VPS13A: variants seen among roughly 807,000 people sequenced by gnomAD.
The protein encoded by VPS13A is vacuolar protein sorting 13 homolog A.
Under a neutral mutation model 390.9 loss-of-function variants are expected in VPS13A, and 264 were observed. That is an observed-to-expected ratio of 0.68 (90% CI 0.61 to 0.75). The LOEUF (loss-of-function observed/expected upper bound fraction) is 0.75, where lower values mean the gene tolerates loss of function less well. Ranked by LOEUF, VPS13A falls within the 30% of genes least tolerant of loss-of-function variation. The pLI, the probability that VPS13A is intolerant of heterozygous loss-of-function variation, is 0.00. For missense variants in VPS13A, 3,409 were observed against 3,733.9 expected (o/e 0.91, Z 2.27); for synonymous variants, 1,231 against 1,227.1 (o/e 1.00, Z -0.07).
chr9:77,290,708 G>A (rs527626019), intron 31 of VPS13A, among the ~76,000 whole-genome samples: 8 of 152,218 alleles, frequency 5.3e-5, no homozygotes, highest in African/African-American at 1.9e-4. Context: ...CCTTGGCTCT[G>A]ATGAGTGTAC....
chr9:77,351,253 GT>G (rs910079488), intron 52 of VPS13A, 63 bp from the exon 53 acceptor site: 56 of 1,571,216 alleles, frequency 3.6e-5, no homozygotes, highest in Admixed American at 1.4e-4. Flanking sequence ...TATTATTTTA[GT>G]TTTTTTTTAA....
chr9:77,395,655 C>G (rs1369386133), intron 68 of VPS13A: 1 of 152,020 alleles, frequency 6.6e-6, no homozygotes, highest in Non-Finnish European at 1.5e-5. Context: ...TTAGATATGC[C>G]TGTAATTATT....
rs7024142 is a variant in VPS13A, at chr9:77,300,244, A to T, written c.3813-2671A>T. On this transcript the variant is annotated intron_variant, in intron 33 of 71. Transcript: ENST00000360280. ...GCCTTTTGTTAGAAATTTGATTCTA[A>T]TATATATACAGTTTTGCTATTATAA... 1.8e-3 allele frequency among the ~76,000 whole-genome samples: 269 copies of T among 151,938 alleles called. 2 individuals are homozygous for T. The highest frequency in any genetic ancestry group is 5.9e-3 in the African/African-American group (244 of 41,560).
At position 77,340,386 on chromosome 9, in the gene VPS13A, T is replaced by C. The variant is rs781721043; in HGVS notation, c.6880-18T>C. 2.8e-5 allele frequency: 45 copies of C among 1,605,262 alleles called. No individual in the cohort carries two copies. Among genetic ancestry groups the C allele is most frequent in the Middle Eastern group, 1.7e-4 (1 of 5,960 alleles). On this transcript the variant is annotated intron_variant, in intron 49 of 71. Transcript: ENST00000360280. Reference sequence around the variant, plus strand: ...GTTATACATAACAGTTTTTGAGCTGTTAATTTTTTTTTCTTAGGTTGGTGT... The same window carrying C: ...GTTATACATAACAGTTTTTGAGCTGCTAATTTTTTTTTCTTAGGTTGGTGT...
chr9:77,244,804 GA>G (rs1392371180), intron 19 of VPS13A, among the ~76,000 whole-genome samples: 1 of 151,998 alleles, frequency 6.6e-6, no homozygotes, highest in Non-Finnish European at 1.5e-5. Flanking sequence ...TGCTGTGAAA[GA>G]AATGAGAATG....
At chr9:77,340,671 A>G (rs1157923031) in intron 50 of VPS13A, 121 bp downstream of exon 50, 2 of 1,224,400 alleles carry the variant, frequency 1.6e-6, no homozygotes, top group South Asian at 1.3e-5. Context: ...TTTTAGTTTC[A>G]TGAATCTTTA....
At position 77,332,112 on chromosome 9, in the gene VPS13A, C is replaced by A. The variant is rs764376151; in HGVS notation, c.6094C>A (p.Arg2032=). The change falls in exon 46 of 72, where the codon CGA becomes AGA. Residue 2032 remains arginine, a splice_region_variant and synonymous_variant. Coordinates refer to ENST00000360280, the MANE Select transcript of VPS13A (RefSeq NM_033305.3). The stretch of plus-strand genomic sequence containing the variant: ...ATTCAACATACCATTAGGATCTTAC[C>A]GGTATTTTGTCTTTATCATTTTATT... ...NEFNIPLGSY[R]SFIFLKPEDE... 1.9e-6 allele frequency: 3 copies of A among 1,604,232 alleles called. No individual in the cohort carries two copies. The South Asian group carries it at 3.3e-5, about 18-fold the overall frequency.
chr9:77,302,685 T>C (rs538458157), intron 33 of VPS13A, among the ~76,000 whole-genome samples: 1 of 152,064 alleles, frequency 6.6e-6, no homozygotes, highest in Non-Finnish European at 1.5e-5. Context: ...TATTTCTGTA[T>C]AATATAGAAC....
At chr9:77,238,410 T>C in intron 19 of VPS13A, 24 bp downstream of exon 19, 1 of 1,496,458 alleles carries the variant, frequency 6.7e-7, no homozygotes, top group Non-Finnish European at 9.3e-7. Context: ...TTAATGTTGG[T>C]GAATTAAATA....
At chr9:77,353,346 A>C (rs1831573348) in intron 53 of VPS13A, 63 bp from the exon 54 acceptor site, 2 of 1,287,952 alleles carry the variant, frequency 1.6e-6, no homozygotes, top group African/African-American at 3.0e-5. Flanking sequence ...TCTAAATTTC[A>C]TGTTCTTTGG....
intron 67 of VPS13A, among the ~76,000 whole-genome samples, chr9:77,371,822 A>G (rs1171123627): frequency 1.9e-5 from 1 of 51,340 alleles, no homozygotes; most frequent in Non-Finnish European, 3.6e-5. Context: ...CCCTCCCCCC[A>G]CCCCACCTGT....
At chr9:77,409,461 C>CA (rs1834799322) in intron 71 of VPS13A, among the ~76,000 whole-genome samples, 1 of 152,134 alleles carries the variant, frequency 6.6e-6, no homozygotes, top group African/African-American at 2.4e-5. Context: ...ATGACTTTGA[C>CA]AAGTTGAGAG....
chr9:77,270,496 G>C (rs891733095), intron 23 of VPS13A, among the ~76,000 whole-genome samples: 5 of 152,120 alleles, frequency 3.3e-5, no homozygotes. Context: ...TTCAAGACCA[G>C]CCTGGCCAAC....
intron 32 of VPS13A, 27 bp downstream of exon 32, chr9:77,293,535 A>G: frequency 7.9e-7 from 1 of 1,270,098 alleles, no homozygotes; most frequent in South Asian, 2.0e-5. Flanking sequence ...ATTATTATTT[A>G]TTTTATACTA....
At chr9:77,199,853 T>C (rs1825221382) in intron 1 of VPS13A, 92 bp from the exon 2 acceptor site, 2 of 1,009,676 alleles carry the variant, frequency 2.0e-6, no homozygotes, top group South Asian at 3.0e-5. Flanking sequence ...TTTATATATT[T>C]TTCCTGATTA....
At chr9:77,269,140 T>C (rs919919942) in intron 23 of VPS13A, among the ~76,000 whole-genome samples, 2 of 152,166 alleles carry the variant, frequency 1.3e-5, no homozygotes, top group Non-Finnish European at 2.9e-5. Context: ...ATCTCTGCAA[T>C]TTTTGCCTAA....
intron 67 of VPS13A, among the ~76,000 whole-genome samples, chr9:77,372,408 A>G (rs1359629409): frequency 6.6e-6 from 1 of 152,126 alleles, no homozygotes; most frequent in Non-Finnish European, 1.5e-5. Flanking sequence ...GCCAGTGATG[A>G]TTAGCATTTT....
chr9:77,226,535 A>C lies in VPS13A; in HGVS notation c.1294A>C (p.Ser432Arg). 6.2e-7 allele frequency: 1 copy of C among 1,613,328 alleles called. No individual in the cohort carries two copies. Among genetic ancestry groups the C allele is most frequent in the Non-Finnish European group, 8.5e-7 (1 of 1,179,512 alleles). The change falls in exon 15 of 72, where the codon AGC becomes CGC. Residue 432 changes from serine to arginine, a missense_variant. Physicochemically the swap from Ser to Arg is moderately radical, Grantham distance 110. This residue lies in a region of VPS13A where 2,717 missense variants were observed against 2,917.4 expected (regional missense o/e 0.93). Coordinates refer to ENST00000360280, the MANE Select transcript of VPS13A (RefSeq NM_033305.3). ...TCCAGAGGATAATAAAGGGTGGTTT[A>C]GCTGGCTATGGTCTTGGTCAGAACA... ...KDPEDNKGWFSWLWSWSEQNT... is the reference protein window; with the variant it reads ...KDPEDNKGWFRWLWSWSEQNT...
chr9:77,320,903 A>G (rs1212999651), intron 42 of VPS13A, among the ~76,000 whole-genome samples: 3 of 151,988 alleles, frequency 2.0e-5, no homozygotes, highest in Admixed American at 2.0e-4. Context: ...CCGGGTACAC[A>G]TAGTAATTTT....
Sources: allele counts gnomAD v4.1 joint callset (sites outside exome capture counted in the v4.1 genomes callset), GRCh38; gene constraint gnomAD v4.1.1; regional missense constraint gnomAD v4.1.1; transcripts MANE v1.5; gene names NCBI Gene and HGNC (gene_info 2026-07-23, HGNC 2026-07-21).